Variants in CEP295 observed in about 807,000 individuals in gnomAD.
CEP295 encodes centrosomal protein of 295 kDa.
Under a neutral mutation model 291.6 loss-of-function variants are expected in CEP295, and 190 were observed. The ratio of observed to expected loss-of-function variants is 0.65; its 90% confidence interval spans 0.58 to 0.73. The LOEUF (loss-of-function observed/expected upper bound fraction) is 0.73, where lower values mean the gene tolerates loss of function less well. Among genes scored for constraint, CEP295 ranks in the 30% least tolerant of loss-of-function variants. The probability of loss-of-function intolerance (pLI) is 0.00; values close to 1 mark genes in which losing one functional copy is unlikely to be tolerated. For synonymous variants in CEP295, 993 were observed against 1,038.8 expected (o/e 0.96, Z 0.85); for missense variants, 2,863 against 2,949.4 (o/e 0.97, Z 0.68).
chr11:93,672,818 A>C (rs1253687394), intron 5 of CEP295, among the ~76,000 whole-genome samples: 2 of 58,514 alleles, frequency 3.4e-5, no homozygotes, highest in Non-Finnish European at 8.9e-5. Flanking sequence ...GGTGCAATTC[A>C]CTGGAAATCC....
intron 9 of CEP295, among the ~76,000 whole-genome samples, chr11:93,685,449 C>T (rs1445286404): frequency 1.3e-5 from 2 of 152,200 alleles, no homozygotes; most frequent in African/African-American, 2.4e-5. Context: ...CTATTAGACT[C>T]CTCAAGTGAG....
chr11:93,674,572 T>G (rs1257695599), intron 5 of CEP295, among the ~76,000 whole-genome samples: 1 of 152,210 alleles, frequency 6.6e-6, no homozygotes, highest in African/African-American at 2.4e-5. Flanking sequence ...TTTTTATACA[T>G]TAATTGATTC....
At chr11:93,714,407 C>A (rs145613546) in intron 18 of CEP295, among the ~76,000 whole-genome samples, 1 of 152,112 alleles carries the variant, frequency 6.6e-6, no homozygotes, top group Non-Finnish European at 1.5e-5. Context: ...CGTGCCACCA[C>A]GCCCAGCTAA....
rs748146734 is a variant in CEP295 at position 93,684,833 on chromosome 11, G to A, written c.1114+705G>A. Reference sequence around the variant, plus strand: ...CCTGGTGCCATCCCCATTTGAGTGAGTAGAGGTTCAGCACGACAAAGATCA... The same window carrying A: ...CCTGGTGCCATCCCCATTTGAGTGAATAGAGGTTCAGCACGACAAAGATCA... On this transcript the variant is annotated intron_variant, in intron 9 of 29. Transcript: ENST00000325212. Among the ~76,000 whole-genome samples, 5 of 152,168 alleles carry A rather than the reference G, an allele frequency of 3.3e-5. No individual in the cohort carries two copies. In the East Asian group the frequency reaches 9.6e-4, roughly 29 times the overall value.
chr11:93,721,050 T>G (rs1311005201), intron 18 of CEP295, among the ~76,000 whole-genome samples: 1 of 152,262 alleles, frequency 6.6e-6, no homozygotes, highest in Non-Finnish European at 1.5e-5. Context: ...AGACCTAATA[T>G]TCAAATTTCT....
chr11:93,712,954 T>C (rs1373663217), intron 18 of CEP295, among the ~76,000 whole-genome samples: 1 of 151,908 alleles, frequency 6.6e-6, no homozygotes, highest in Non-Finnish European at 1.5e-5. Flanking sequence ...ATTTTTTTTT[T>C]TGTATCTGTT....
intron 1 of CEP295, among the ~76,000 whole-genome samples, chr11:93,662,783 G>A (rs974572865): frequency 2.5e-4 from 38 of 152,166 alleles, no homozygotes; most frequent in African/African-American, 8.5e-4. Context: ...TATTTCTGTA[G>A]CCTCTACTCT....
Position 93,698,658 on chromosome 11 carries a change from A to G in CEP295, c.3746A>G (p.His1249Arg), listed in dbSNP as rs1221920941. Residue 1249 changes from histidine to arginine, a missense_variant, in exon 15 of 30, where the codon CAT becomes CGT. This residue lies in a region of CEP295 where 2,295 missense variants were observed against 2,335.7 expected (regional missense o/e 0.98). Coordinates refer to ENST00000325212, the MANE Select transcript of CEP295 (RefSeq NM_033395.2). ...CQERLLRVSQ[H>R]MLPLQDNLEE... The stretch of plus-strand genomic sequence containing the variant: ...GAAAGACTTTTGAGAGTTTCACAAC[A>G]TATGCTACCTCTACAAGATAATTTG... 10 of 1,550,826 alleles carry G rather than the reference A, an allele frequency of 6.4e-6. No individual in the cohort carries two copies. The East Asian group carries it at 2.2e-4, about 34-fold the overall frequency.
chr11:93,720,039 C>A (rs1268840355), intron 18 of CEP295, among the ~76,000 whole-genome samples: 1 of 141,138 alleles, frequency 7.1e-6, no homozygotes, highest in Non-Finnish European at 1.5e-5. Context: ...GTAATATATG[C>A]TCATTATGAA....
At chr11:93,707,934 A>C (rs1259822629) in intron 18 of CEP295, among the ~76,000 whole-genome samples, 18 of 152,332 alleles carry the variant, frequency 1.2e-4, no homozygotes, top group East Asian at 5.8e-4. Context: ...AATTGACTTT[A>C]ACATCTCTTT....
At chr11:93,710,620 G>T (rs1053316349) in intron 18 of CEP295, among the ~76,000 whole-genome samples, 9 of 152,152 alleles carry the variant, frequency 5.9e-5, no homozygotes, top group African/African-American at 2.2e-4. Flanking sequence ...GGCAATACTG[G>T]CCTTGTGGAA....
chr11:93,688,801 ACTC>A (rs568574571), intron 10 of CEP295, among the ~76,000 whole-genome samples: 201 of 151,778 alleles, frequency 1.3e-3, no homozygotes, highest in Non-Finnish European at 2.1e-3. Context: ...TCCTGTTTGA[ACTC>A]ACCTTACTTA....
intron 10 of CEP295, among the ~76,000 whole-genome samples, chr11:93,690,236 C>T (rs1951453284): frequency 1.3e-5 from 2 of 152,040 alleles, no homozygotes; most frequent in African/African-American, 2.4e-5. Context: ...ACGGTGAAAC[C>T]CCGTCTCCAC....
At position 93,690,883 on chromosome 11, in the gene CEP295, C is replaced by T. The variant is rs1335658183; in HGVS notation, c.1337-800C>T. On this transcript the variant is annotated intron_variant, in intron 10 of 29. Coordinates refer to ENST00000325212, the MANE Select transcript of CEP295 (RefSeq NM_033395.2). ...GCCAAGGTTTGTTTCTTTATCCTCA[C>T]GGGGCCTTTTATACCCATTGGTCTG... is the stretch of plus-strand genomic sequence containing the variant. Among the ~76,000 whole-genome samples the T allele has an allele frequency of 3.3e-5, 5 of 152,210 alleles. 1 individual carries two copies. The highest frequency in any genetic ancestry group is 3.4e-3 in the Middle Eastern group (1 of 294).
chr11:93,685,999 A>G (rs1245284173), intron 9 of CEP295, among the ~76,000 whole-genome samples: 2 of 147,584 alleles, frequency 1.4e-5, no homozygotes, highest in Admixed American at 6.8e-5. Context: ...ATGAGCCACC[A>G]TGCCCGGCCA....
intron 17 of CEP295, among the ~76,000 whole-genome samples, chr11:93,705,768 T>C (rs1246847599): frequency 1.3e-5 from 2 of 152,192 alleles, no homozygotes; most frequent in Non-Finnish European, 2.9e-5. Context: ...AAAAGGCCAA[T>C]TGGAGGTTCT....
At chr11:93,695,749 G>A in intron 13 of CEP295, 115 bp downstream of exon 13, 1 of 1,239,272 alleles carries the variant, frequency 8.1e-7, no homozygotes, top group Non-Finnish European at 1.1e-6. Flanking sequence ...GGTGGCTCAT[G>A]CCTGTAATCT....
chr11:93,722,637 A>G (rs1282358675), intron 20 of CEP295: 1 of 167,382 alleles, frequency 6.0e-6, no homozygotes, highest in African/African-American at 2.4e-5. Context: ...TCATGGTTGC[A>G]CTGATCTCTT....
At position 93,697,418 on chromosome 11, in the gene CEP295, C is replaced by A; in HGVS notation, c.2506C>A (p.Pro836Thr). ...CCAAATGCATGATAGGCCTTTGCTG[C>A]CGTCAGAGAATATCACAGCCCAGCA... ...ISQMHDRPLL[P>T]SENITAQQGN... The change falls in exon 15 of 30, where the codon CCG becomes ACG. Residue 836 changes from proline to threonine, a missense_variant. Around this residue, in one of 3 missense-constraint regions of CEP295, gnomAD observed 2,295 missense variants for 2,335.7 expected, o/e 0.98. Coordinates refer to ENST00000325212, the MANE Select transcript of CEP295 (RefSeq NM_033395.2). The A allele has an allele frequency of 6.4e-7, 1 of 1,552,182 alleles. No homozygotes were observed. The highest frequency in any genetic ancestry group is 1.2e-5 in the South Asian group (1 of 84,058).
Sources: allele counts gnomAD v4.1 joint callset (sites outside exome capture counted in the v4.1 genomes callset), GRCh38; gene constraint gnomAD v4.1.1; regional missense constraint gnomAD v4.1.1; transcripts MANE v1.5; gene names NCBI Gene and HGNC (gene_info 2026-07-23, HGNC 2026-07-21).